The following KLHL6 variants were observed in gnomAD, a reference collection of about 807,000 sequenced individuals.
KLHL6 encodes the protein kelch like family member 6.
Under a neutral mutation model 58.6 loss-of-function variants are expected in KLHL6, and 41 were observed. The observed-to-expected ratio is 0.70, with a 90% CI of 0.55 to 0.91. The LOEUF (loss-of-function observed/expected upper bound fraction) is 0.91, where lower values mean the gene tolerates loss of function less well. Ranked by LOEUF, KLHL6 falls within the 40% of genes least tolerant of loss-of-function variation. The pLI, the probability that KLHL6 is intolerant of heterozygous loss-of-function variation, is 0.00. For synonymous variants in KLHL6, 338 were observed against 322.7 expected (o/e 1.05, Z -0.51); for missense variants, 714 against 805.6 (o/e 0.89, Z 1.38).
chr3:183,509,054 A>G lies in KLHL6; in HGVS notation c.460-546T>C, dbSNP rs142875942. On this transcript the variant is annotated intron_variant, in intron 2 of 6. Coordinates refer to ENST00000341319, the MANE Select transcript of KLHL6 (RefSeq NM_130446.4). ...CAAAATCCAGATTGTGGAAAACTCT[A>G]CTGAACAACTTGTTCAGTTTCTTCA... Among the ~76,000 whole-genome samples the G allele has an allele frequency of 2.5e-4, 38 of 152,356 alleles. No homozygotes were observed. The East Asian group carries it at 4.6e-3, about 19-fold the overall frequency.
At chr3:183,501,271 C>A (rs879553273) in intron 3 of KLHL6, among the ~76,000 whole-genome samples, 1 of 152,222 alleles carries the variant, frequency 6.6e-6, no homozygotes, top group African/African-American at 2.4e-5. Context: ...GCAATGGCAC[C>A]AAAGACAAAC....
intron 2 of KLHL6, among the ~76,000 whole-genome samples, chr3:183,522,033 T>G (rs938138992): frequency 6.8e-6 from 1 of 146,360 alleles, no homozygotes; most frequent in African/African-American, 2.5e-5. Context: ...TCAGGCAAAA[T>G]AGCTGCTACT....
At position 183,492,580 on chromosome 3, in the gene KLHL6, G is replaced by C. The variant is rs1178903429; in HGVS notation, c.1478C>G (p.Thr493Ser). Residue 493 changes from threonine (T) to serine (S), a missense_variant, in exon 6 of 7, where the codon ACC becomes AGC. Thr to Ser is a moderately conservative substitution (Grantham distance 58). Around this residue, in one of 2 missense-constraint regions of KLHL6, gnomAD observed 510 missense variants for 629.7 expected, o/e 0.81. Coordinates refer to ENST00000341319, the MANE Select transcript of KLHL6 (RefSeq NM_130446.4). This position sits in a 1 kb window ranked among gnomAD's most constrained non-coding sequence, Gnocchi z 5.9. ...GGCCGCCTTCAAACTCCACTTGTTG[G>C]TGGAAGGGTCATAACACTGAGTCTT... is the stretch of plus-strand genomic sequence containing the variant. ...TDKTQCYDPS[T>S]NKWSLKAAMP... 6.2e-7 allele frequency: 1 copy of C among 1,614,218 alleles called. No individual in the cohort carries two copies. The highest frequency in any genetic ancestry group is 8.5e-7 in the Non-Finnish European group (1 of 1,180,036).
At chr3:183,533,747 AG>A (rs1712233790) in intron 1 of KLHL6, among the ~76,000 whole-genome samples, 1 of 152,052 alleles carries the variant, frequency 6.6e-6, no homozygotes, top group Non-Finnish European at 1.5e-5. Context: ...GTTTTAGTCA[AG>A]GTGATCGTCC....
chr3:183,507,371 AC>A (rs1380601969), intron 3 of KLHL6, among the ~76,000 whole-genome samples: 3 of 151,886 alleles, frequency 2.0e-5, no homozygotes, highest in African/African-American at 7.3e-5. Flanking sequence ...GAAGAGCAGC[AC>A]CCCCATGGAA....
intron 1 of KLHL6, among the ~76,000 whole-genome samples, chr3:183,545,689 T>C (rs1338330391): frequency 6.6e-6 from 1 of 151,996 alleles, no homozygotes; most frequent in Non-Finnish European, 1.5e-5. Context: ...CTCTCCCCAC[T>C]CCCAGTGCAA....
intron 1 of KLHL6, among the ~76,000 whole-genome samples, chr3:183,530,227 G>A (rs1476597848): frequency 6.6e-6 from 1 of 152,174 alleles, no homozygotes; most frequent in Non-Finnish European, 1.5e-5. Flanking sequence ...TGAGTCATGA[G>A]TGGAGGTTAG....
Position 183,491,911 on chromosome 3 carries a change from G to C in KLHL6, c.*16C>G, listed in dbSNP as rs1717566760. On this transcript the variant is annotated 3_prime_UTR_variant, in exon 7 of 7. Transcript: ENST00000341319. Reference sequence around the variant, plus strand: ...CGCTGAGGGTCGGGGGGGCTCTCCAGCTCCCCATCCTGCCGTCAGACAGAC... The same window carrying C: ...CGCTGAGGGTCGGGGGGGCTCTCCACCTCCCCATCCTGCCGTCAGACAGAC... 1.4e-6 allele frequency: 2 copies of C among 1,463,668 alleles called. No homozygotes were observed. The highest frequency in any genetic ancestry group is 2.0e-4 in the Middle Eastern group (1 of 4,926). The allele number at this position is 1,463,668 out of a possible 1,614,324, so 90.7% of individuals were successfully genotyped here.
At chr3:183,511,828 A>G (rs4859199) in intron 2 of KLHL6, among the ~76,000 whole-genome samples, 44,981 of 152,056 alleles carry the variant, frequency 0.3, 7,185 homozygotes, top group East Asian at 0.63. Flanking sequence ...ACAGCATCTC[A>G]GGGCAGAGCA....
intron 3 of KLHL6, among the ~76,000 whole-genome samples, chr3:183,500,674 G>A (rs1199041498): frequency 6.6e-6 from 1 of 152,172 alleles, no homozygotes; most frequent in Non-Finnish European, 1.5e-5. Context: ...AGTGGTAGAT[G>A]CCATGTTGAT....
chr3:183,492,048 TC>T lies in KLHL6; in HGVS notation c.1744del (p.Glu582ArgfsTer5). ...VIATVLCWDP[E>X]AQKLTEECVL... ...GCACTCCTCTGTCAGTTTCTGGGCC[TC>T]GGGGTCCCAGCACAGCACCGTGGCG... On this transcript the variant is annotated frameshift_variant, in exon 7 of 7. Coordinates refer to ENST00000341319, the MANE Select transcript of KLHL6 (RefSeq NM_130446.4). LOFTEE classifies it high-confidence loss of function. This position sits in a 1 kb window ranked among gnomAD's most constrained non-coding sequence, Gnocchi z 5.9. 6.2e-7 allele frequency: 1 copy of T among 1,613,986 alleles called. No homozygotes were observed. Among genetic ancestry groups the T allele is most frequent in the Non-Finnish European group, 8.5e-7 (1 of 1,179,976 alleles).
intron 1 of KLHL6, 40 bp downstream of exon 1, chr3:183,555,321 A>T (rs1193584950): frequency 1.3e-6 from 2 of 1,589,286 alleles, no homozygotes; most frequent in Non-Finnish European, 1.7e-6. Flanking sequence ...TCTTCCTTGC[A>T]ACTTGCACCC....
intron 1 of KLHL6, among the ~76,000 whole-genome samples, chr3:183,533,151 G>C (rs1024801150): frequency 6.6e-6 from 1 of 152,052 alleles, no homozygotes; most frequent in Admixed American, 6.5e-5. Flanking sequence ...AATTCCAAAC[G>C]CTCGGACTTC....
chr3:183,540,949 A>C (rs1712532131), intron 1 of KLHL6, among the ~76,000 whole-genome samples: 1 of 151,934 alleles, frequency 6.6e-6, no homozygotes, highest in Non-Finnish European at 1.5e-5. Context: ...CCACATCCCG[A>C]CCAGGCTATT....
chr3:183,550,786 G>A (rs1258055170), intron 1 of KLHL6, among the ~76,000 whole-genome samples: 1 of 151,786 alleles, frequency 6.6e-6, no homozygotes, highest in African/African-American at 2.4e-5. Context: ...CCAAGACCCT[G>A]TCTCAAAACA....
At chr3:183,530,036 AGCACTCCAATCTCG>A (rs1712106771) in intron 1 of KLHL6, among the ~76,000 whole-genome samples, 1 of 152,122 alleles carries the variant, frequency 6.6e-6, no homozygotes, top group Non-Finnish European at 1.5e-5. Context: ...CACCCATGCT[AGCACTCCAATCTCG>A]GACTTTCAGG....
At chr3:183,503,282 G>A (rs1158415050) in intron 3 of KLHL6, among the ~76,000 whole-genome samples, 1 of 152,250 alleles carries the variant, frequency 6.6e-6, no homozygotes, top group Non-Finnish European at 1.5e-5. Flanking sequence ...ACACATGTCA[G>A]AGTAATGTTT....
chr3:183,548,946 GA>G (rs1712816105), intron 1 of KLHL6: 1 of 151,738 alleles, frequency 6.6e-6, no homozygotes. Context: ...GTTGAACAAT[GA>G]GAACACATGG....
At chr3:183,515,622 G>T (rs963536406) in intron 2 of KLHL6, among the ~76,000 whole-genome samples, 1 of 152,108 alleles carries the variant, frequency 6.6e-6, no homozygotes, top group African/African-American at 2.4e-5. Context: ...ATTCTTAAAA[G>T]CTACTTCTTC....
Sources: allele counts gnomAD v4.1 joint callset (sites outside exome capture counted in the v4.1 genomes callset), GRCh38; gene constraint gnomAD v4.1.1; regional missense constraint gnomAD v4.1.1; non-coding constraint Gnocchi (gnomAD v3.1); transcripts MANE v1.5; gene names NCBI Gene and HGNC (gene_info 2026-07-23, HGNC 2026-07-21).